CC2D2B: variants seen among roughly 807,000 people sequenced by gnomAD.
CC2D2B encodes the protein coiled-coil and C2 domain containing 2B, also known as protein CC2D2B.
CC2D2B carries 128 observed loss-of-function variants against 161.2 expected under a neutral mutation model. That is an observed-to-expected ratio of 0.79 (90% CI 0.69 to 0.92). The LOEUF (loss-of-function observed/expected upper bound fraction) is 0.92, where lower values mean the gene tolerates loss of function less well. CC2D2B is among the 40% of genes least tolerant of loss of function. CC2D2B has a pLI of 0.00. For missense variants in CC2D2B, 1,173 were observed against 1,375.1 expected (o/e 0.85, Z 2.32); for synonymous variants, 391 against 449.8 (o/e 0.87, Z 1.65).
rs1308649476 is a variant in CC2D2B at position 95,962,800 on chromosome 10, C to T, written c.1250+831C>T. On this transcript the variant is annotated intron_variant, in intron 12 of 34. Transcript: ENST00000646931. ...TTTTTTTTAACAAAAGTGCTCTGGACGGTTTCTAAACCTAAACCCAGCATT... is the reference window on the plus strand; with the variant it reads ...TTTTTTTTAACAAAAGTGCTCTGGATGGTTTCTAAACCTAAACCCAGCATT... Among the ~76,000 whole-genome samples, 5 of 140,638 alleles carry T rather than the reference C, an allele frequency of 3.6e-5. No homozygotes were observed. The East Asian group carries it at 6.7e-4, about 19-fold the overall frequency. 92.3% of individuals were successfully genotyped at this position (140,638 alleles called of 152,430 possible). A position where few individuals can be genotyped will look rare whatever the true frequency, so the allele number is the denominator to read the frequency against.
At chr10:95,995,423 A>C (rs1018476878) in intron 23 of CC2D2B, 58 bp downstream of exon 23, 1 of 860,816 alleles carries the variant, frequency 1.2e-6, no homozygotes, top group Non-Finnish European at 1.7e-6. Flanking sequence ...CTGAATTACA[A>C]TTGACTCTTA....
Position 95,996,159 on chromosome 10 carries a change from T to C in CC2D2B, c.2756T>C (p.Phe919Ser), listed in dbSNP as rs965714153. 60 of 1,486,784 alleles carry C rather than the reference T, an allele frequency of 4.0e-5. No homozygotes were observed. The highest frequency in any genetic ancestry group is 5.2e-5 in the Non-Finnish European group (58 of 1,108,506). The allele number at this position is 1,486,784 out of a possible 1,614,324, so 92.1% of individuals were successfully genotyped here. A position where few individuals can be genotyped will look rare whatever the true frequency, so the allele number is the denominator to read the frequency against. Reference sequence around the variant, plus strand: ...GTGTTTCAGGATACTGTACATCCATTCGTGGAAGTTTCTTTCCAGCACACT... The same window carrying C: ...GTGTTTCAGGATACTGTACATCCATCCGTGGAAGTTTCTTTCCAGCACACT... ...ETLHEDTVHP[F>S]VEVSFQHTVY... Residue 919 changes from phenylalanine (F) to serine (S), a missense_variant, in exon 24 of 35, where the codon TTC becomes TCC. Physicochemically the swap from Phe to Ser is radical, Grantham distance 155. This residue lies in a region of CC2D2B where 598 missense variants were observed against 693.2 expected (regional missense o/e 0.86). Transcript: ENST00000646931.
At position 95,942,637 on chromosome 10, in the gene CC2D2B, T is replaced by C. The variant is rs183014425; in HGVS notation, c.801+3712T>C. Among the ~76,000 whole-genome samples, 6 of 152,260 alleles carry C rather than the reference T, an allele frequency of 3.9e-5. No homozygotes were observed. In the East Asian group the frequency reaches 1.2e-3, roughly 29 times the overall value. ...AAATTTTAAATTTTTTGCCATTTTC[T>C]TTCACCTAATTTCTGAGTTTAATTC... On this transcript the variant is annotated intron_variant, in intron 9 of 34. Coordinates refer to ENST00000646931, the MANE Select transcript of CC2D2B (RefSeq NM_001349008.3).
chr10:95,956,281 TCA>T (rs1028731204), intron 11 of CC2D2B, among the ~76,000 whole-genome samples: 79 of 151,880 alleles, frequency 5.2e-4, no homozygotes, highest in African/African-American at 1.9e-3. Flanking sequence ...ACCTCTTCTA[TCA>T]CACACACACA....
chr10:96,024,512 T>A (rs1366701731), intron 32 of CC2D2B, among the ~76,000 whole-genome samples: 1 of 152,184 alleles, frequency 6.6e-6, no homozygotes, highest in Non-Finnish European at 1.5e-5. Context: ...GGTGAAGACT[T>A]CACCAAGGTC....
chr10:95,926,018 T>C (rs1226812519), intron 5 of CC2D2B, among the ~76,000 whole-genome samples: 1 of 152,176 alleles, frequency 6.6e-6, no homozygotes, highest in African/African-American at 2.4e-5. Context: ...AGGTTTTTTT[T>C]TTTAAATTTA....
rs369610013 is a variant in CC2D2B at position 95,993,834 on chromosome 10, GTATATA to G, written c.2642+1150_2642+1155del. Among the ~76,000 whole-genome samples, 543 of 109,946 alleles carry G rather than the reference GTATATA, an allele frequency of 4.9e-3. 7 individuals carry two copies. The highest frequency in any genetic ancestry group is 0.022 in the East Asian group (85 of 3,942). 72.1% of individuals were successfully genotyped at this position (109,946 alleles called of 152,430 possible). A position where few individuals can be genotyped will look rare whatever the true frequency, so the allele number is the denominator to read the frequency against. On this transcript the variant is annotated intron_variant, in intron 22 of 34. Coordinates refer to ENST00000646931, the MANE Select transcript of CC2D2B (RefSeq NM_001349008.3). The stretch of plus-strand genomic sequence containing the variant: ...TATATAGAGTGTATATATAAAGAGT[GTATATA>G]TATATATATATAGAGAGAGAGAGAG...
rs945634922 is a variant in CC2D2B at position 96,019,126 on chromosome 10, A to G, written c.3631-77A>G. On this transcript the variant is annotated intron_variant, in intron 30 of 34. Transcript: ENST00000646931. ...TCCACTAAAAAAGGCTTTAAAAATT[A>G]GAATCATCACAGTATAATTTCCATA... The G allele has an allele frequency of 3.7e-5, 46 of 1,255,110 alleles. 1 individual carries two copies. The South Asian group carries it at 7.1e-4, about 19-fold the overall frequency. The allele number at this position is 1,255,110 out of a possible 1,614,324, so 77.7% of individuals were successfully genotyped here. A position where few individuals can be genotyped will look rare whatever the true frequency, so the allele number is the denominator to read the frequency against.
intron 20 of CC2D2B, among the ~76,000 whole-genome samples, chr10:95,991,043 G>T (rs182804836): frequency 4.6e-5 from 7 of 152,250 alleles, no homozygotes; most frequent in African/African-American, 1.4e-4. Context: ...CAGGGCAATT[G>T]TCTCCTTTGG....
At chr10:95,955,694 A>G (rs1255144918) in intron 11 of CC2D2B, among the ~76,000 whole-genome samples, 1 of 152,186 alleles carries the variant, frequency 6.6e-6, no homozygotes, top group Non-Finnish European at 1.5e-5. Flanking sequence ...TTCTAGTTTT[A>G]ACATCCATTG....
intron 12 of CC2D2B, among the ~76,000 whole-genome samples, chr10:95,964,490 G>A (rs7904410): frequency 0.59 from 89,531 of 151,906 alleles, 26,945 homozygotes; most frequent in Admixed American, 0.66. Flanking sequence ...TACTGATGTC[G>A]TATTGATTGC....
At chr10:95,958,475 G>T (rs1438527577) in intron 11 of CC2D2B, among the ~76,000 whole-genome samples, 1 of 152,090 alleles carries the variant, frequency 6.6e-6, no homozygotes, top group African/African-American at 2.4e-5. Context: ...CTGGGTGACA[G>T]AGTGAGACTC....
At chr10:96,025,192 A>AAAAAAT (rs1284499689) in intron 33 of CC2D2B, among the ~76,000 whole-genome samples, 11 of 49,168 alleles carry the variant, frequency 2.2e-4, no homozygotes, top group Admixed American at 2.1e-3. Context: ...TATAAAAAAA[A>AAAAAAT]ATATATATAT....
intron 18 of CC2D2B, among the ~76,000 whole-genome samples, 177 bp from the exon 19 acceptor site, chr10:95,983,429 C>A (rs2077604220): frequency 7.1e-6 from 1 of 141,832 alleles, no homozygotes. Flanking sequence ...GGTTGGAAAG[C>A]CACAAAGGCT....
chr10:95,967,079 A>G (rs1255226668), intron 14 of CC2D2B, among the ~76,000 whole-genome samples: 2 of 152,160 alleles, frequency 1.3e-5, no homozygotes, highest in Non-Finnish European at 2.9e-5. Flanking sequence ...TGGGTAATCA[A>G]TAAATGTTTA....
At chr10:95,967,270 T>C (rs1394794513) in intron 14 of CC2D2B, among the ~76,000 whole-genome samples, 1 of 151,986 alleles carries the variant, frequency 6.6e-6, no homozygotes, top group Non-Finnish European at 1.5e-5. Context: ...GACACCCATA[T>C]AAAAAGACTA....
chr10:95,964,882 G>T (rs1013267982), intron 12 of CC2D2B, among the ~76,000 whole-genome samples: 1 of 152,046 alleles, frequency 6.6e-6, no homozygotes, highest in East Asian at 1.9e-4. Flanking sequence ...AACAATCACC[G>T]CAATTTAATC....
chr10:96,026,951 C>A (rs760702568), intron 33 of CC2D2B, among the ~76,000 whole-genome samples: 16 of 151,892 alleles, frequency 1.1e-4, no homozygotes, highest in Admixed American at 2.0e-4. Flanking sequence ...GGTGAAACCC[C>A]GTCTCTACTG....
intron 18 of CC2D2B, 131 bp downstream of exon 18, chr10:95,982,244 G>A: frequency 1.9e-6 from 1 of 514,600 alleles, no homozygotes; most frequent in Non-Finnish European, 3.0e-6. Flanking sequence ...GTAAATCTGA[G>A]GACAGAGACC....
Sources: gnomAD v4.1 joint callset for allele counts (sites outside exome capture counted in the v4.1 genomes callset) on GRCh38, gnomAD v4.1.1 for gene constraint, gnomAD v4.1.1 regional missense constraint, MANE v1.5 for transcripts, NCBI Gene and HGNC (gene_info 2026-07-23, HGNC 2026-07-21) for gene names.